PDZD2: variants seen among roughly 807,000 people sequenced by gnomAD.
PDZD2 encodes PDZ domain-containing protein 2.
A neutral mutation model predicts 220.7 loss-of-function variants in PDZD2; 90 were observed. The ratio of observed to expected loss-of-function variants is 0.41; its 90% CI spans 0.34 to 0.49. The LOEUF (loss-of-function observed/expected upper bound fraction) is 0.49, where lower values mean the gene tolerates loss of function less well. Among genes scored for constraint, PDZD2 ranks in the 20% least tolerant of loss-of-function variants. The pLI, the probability that PDZD2 is intolerant of heterozygous loss-of-function variation, is 0.28. For missense variants in PDZD2, 3,174 were observed against 3,608.5 expected (o/e 0.88, Z 3.08); for synonymous variants, 1,375 against 1,450.5 (o/e 0.95, Z 1.18).
intron 1 of PDZD2, among the ~76,000 whole-genome samples, chr5:31,674,696 T>C (rs1746337907): frequency 6.6e-6 from 1 of 152,082 alleles, no homozygotes; most frequent in African/African-American, 2.4e-5. Context: ...TTTATGGAAA[T>C]GTGTAAGTTG....
chr5:31,772,994 T>C (rs988413409), intron 1 of PDZD2, among the ~76,000 whole-genome samples: 1 of 152,188 alleles, frequency 6.6e-6, no homozygotes, highest in Admixed American at 6.6e-5. Flanking sequence ...CTCATGTTCA[T>C]GTGAGACAGA....
chr5:32,110,415 A>G lies in PDZD2; in HGVS notation c.*2280A>G, dbSNP rs1310143277. On this transcript the variant is annotated 3_prime_UTR_variant, in exon 25 of 25. Coordinates refer to ENST00000438447, the MANE Select transcript of PDZD2 (RefSeq NM_178140.4). ...AAATTTAAGGGAAGAAGCAAAAGCT[A>G]AACTGTCTTTGACCCTAAGATAGAT... 1.3e-5 allele frequency: 2 copies of G among 152,682 alleles called. No individual in the cohort carries two copies. The highest frequency in any genetic ancestry group is 1.3e-4 in the Admixed American group (2 of 15,286). 9.5% of individuals were successfully genotyped at this position (152,682 alleles called of 1,614,324 possible).
At chr5:31,934,076 T>C (rs1481695742) in intron 2 of PDZD2, among the ~76,000 whole-genome samples, 4 of 152,198 alleles carry the variant, frequency 2.6e-5, no homozygotes, top group African/African-American at 9.6e-5. Flanking sequence ...ATAACTGGTT[T>C]TACCATAGAT....
In PDZD2 at chr5:31,769,431, A is replaced by G. The variant is rs561811233; in HGVS notation, c.-360-29458A>G. On this transcript the variant is annotated intron_variant, in intron 1 of 24. Coordinates refer to ENST00000438447, the MANE Select transcript of PDZD2 (RefSeq NM_178140.4). ...AAAGTCACCAAGCAAATGTTTCCCGATTACGAATTGTAATTTGGGATTTCA... is the reference window on the plus strand; with the variant it reads ...AAAGTCACCAAGCAAATGTTTCCCGGTTACGAATTGTAATTTGGGATTTCA... Among the ~76,000 whole-genome samples the G allele has an allele frequency of 1.1e-4, 17 of 152,360 alleles. No individual in the cohort carries two copies. In the South Asian group the frequency reaches 1.9e-3, roughly 17 times the overall value.
intron 8 of PDZD2, among the ~76,000 whole-genome samples, chr5:32,051,576 A>C (rs1230874013): frequency 6.6e-6 from 1 of 152,184 alleles, no homozygotes; most frequent in Non-Finnish European, 1.5e-5. Context: ...AATAGCAAGG[A>C]GCAAGATTAT....
At chr5:31,755,543 C>T (rs1751257753) in intron 1 of PDZD2, among the ~76,000 whole-genome samples, 1 of 152,004 alleles carries the variant, frequency 6.6e-6, no homozygotes, top group South Asian at 2.1e-4. Context: ...TTCCTGGAGG[C>T]TCCAACTCCA....
chr5:31,733,959 G>A (rs758433647), intron 1 of PDZD2, among the ~76,000 whole-genome samples: 8 of 152,124 alleles, frequency 5.3e-5, no homozygotes, highest in Non-Finnish European at 1.0e-4. Flanking sequence ...CAGGTTAAGC[G>A]CACAGTCTCC....
chr5:31,712,475 TCTCTCTCC>T (rs72243505), intron 1 of PDZD2, among the ~76,000 whole-genome samples: 34,619 of 125,010 alleles, frequency 0.28, 4,390 homozygotes, highest in East Asian at 0.44. Flanking sequence ...TCTCTCTCTC[TCTCTCTCC>T]CCCTCTCTCC....
chr5:32,000,016 A>G lies in PDZD2; in HGVS notation c.1122-123A>G. ...ATCCCCAACTGCCTCTGGCCATCAC[A>G]GTATCCTCTTTAGCCCAATCTTAAC... is the stretch of plus-strand genomic sequence containing the variant. On this transcript the variant is annotated intron_variant, in intron 4 of 24. Coordinates refer to ENST00000438447, the MANE Select transcript of PDZD2 (RefSeq NM_178140.4). The surrounding 1 kb of genome is among the most constrained non-coding windows in gnomAD (Gnocchi z 4.5). 6 of 748,484 alleles carry G rather than the reference A, an allele frequency of 8.0e-6. No homozygotes were observed. The highest frequency in any genetic ancestry group is 1.3e-5 in the Non-Finnish European group (6 of 445,330). The allele number at this position is 748,484 out of a possible 1,614,324, so 46.4% of individuals were successfully genotyped here. A position where few individuals can be genotyped will look rare whatever the true frequency, so the allele number is the denominator to read the frequency against.
intron 7 of PDZD2, among the ~76,000 whole-genome samples, chr5:32,038,188 A>AG (rs1471347385): frequency 6.6e-6 from 1 of 150,394 alleles, no homozygotes; most frequent in Non-Finnish European, 1.5e-5. Flanking sequence ...CCATTAAAAA[A>AG]AAAAAAAAAA....
chr5:31,860,127 A>G (rs950428177), intron 2 of PDZD2, among the ~76,000 whole-genome samples: 6 of 148,726 alleles, frequency 4.0e-5, no homozygotes, highest in African/African-American at 1.5e-4. Context: ...AGGAGACTTG[A>G]AGTCTAACTA....
chr5:32,002,804 A>AC (rs1752310493), intron 5 of PDZD2, among the ~76,000 whole-genome samples: 3 of 109,504 alleles, frequency 2.7e-5, no homozygotes, highest in African/African-American at 1.1e-4. Flanking sequence ...CCACCAACAC[A>AC]ACCACCAACA....
At chr5:31,980,666 A>G (rs1750217965) in intron 2 of PDZD2, among the ~76,000 whole-genome samples, 1 of 152,226 alleles carries the variant, frequency 6.6e-6, no homozygotes, top group African/African-American at 2.4e-5. Flanking sequence ...TACCTCTCCA[A>G]GGATTTTTCC....
intron 23 of PDZD2, chr5:32,100,049 C>T (rs1441946882): frequency 6.6e-6 from 1 of 152,368 alleles, no homozygotes; most frequent in Non-Finnish European, 1.5e-5. Context: ...AGAAATGCCG[C>T]AGTGGGGGCC....
chr5:31,975,820 T>TTTG (rs1561238424), intron 2 of PDZD2, among the ~76,000 whole-genome samples: 13 of 134,720 alleles, frequency 9.6e-5, no homozygotes, highest in African/African-American at 3.7e-4. Context: ...TTTTTTTTTT[T>TTTG]TGAGACAAGG....
chr5:31,963,930 G>A (rs1305452946), intron 2 of PDZD2, among the ~76,000 whole-genome samples: 1 of 152,010 alleles, frequency 6.6e-6, no homozygotes, highest in Non-Finnish European at 1.5e-5. Flanking sequence ...CTCACAATAC[G>A]TCTTTGCCTC....
At chr5:32,028,848 A>C (rs764779454) in intron 6 of PDZD2, among the ~76,000 whole-genome samples, 11 of 151,992 alleles carry the variant, frequency 7.2e-5, no homozygotes, top group Non-Finnish European at 1.5e-4. Context: ...ACACCCAGCT[A>C]ATTTTTGTAT....
At chr5:31,685,659 G>A (rs1476096092) in intron 1 of PDZD2, among the ~76,000 whole-genome samples, 2 of 152,104 alleles carry the variant, frequency 1.3e-5, no homozygotes, top group Non-Finnish European at 2.9e-5. Context: ...GAGTAGCTGG[G>A]ACTTCAGATG....
At chr5:31,868,724 C>G (rs1264273055) in intron 2 of PDZD2, among the ~76,000 whole-genome samples, 1 of 152,094 alleles carries the variant, frequency 6.6e-6, no homozygotes, top group East Asian at 1.9e-4. Flanking sequence ...TGTTAACATT[C>G]TTGAATTACT....
Sources: gnomAD v4.1 joint callset for allele counts (sites outside exome capture counted in the v4.1 genomes callset) on GRCh38, gnomAD v4.1.1 for gene constraint, Gnocchi (gnomAD v3.1) non-coding constraint, MANE v1.5 for transcripts, NCBI Gene and HGNC (gene_info 2026-07-23, HGNC 2026-07-21) for gene names.